SNORC: variants seen among roughly 807,000 people sequenced by gnomAD.
SNORC encodes secondary ossification center associated regulator of chondrocyte maturation.
SNORC carries 11 observed loss-of-function variants against 9.7 expected under a neutral mutation model. The observed-to-expected ratio is 1.14, with a 90% confidence interval of 0.72 to 1.88. SNORC has a LOEUF of 1.88. SNORC is among the 40% of genes most tolerant of loss of function. The pLI, the probability that SNORC is intolerant of heterozygous loss-of-function variation, is 0.00. For synonymous variants in SNORC, 108 were observed against 88.7 expected, an observed-to-expected ratio of 1.22 and a Z score of -1.22; for missense variants, 197 against 173.1, an observed-to-expected ratio of 1.14 and a Z score of -0.77.
intron 1 of SNORC, among the ~76,000 whole-genome samples, chr2:232,872,149 G>T (rs936960581): frequency 2.7e-5 from 4 of 149,208 alleles, no homozygotes; most frequent in African/African-American, 1.0e-4. Flanking sequence ...TGGGCTGGGA[G>T]CTCTGGACAG....
At chr2:232,875,821 G>A in intron 1 of SNORC, 119 bp from the exon 2 acceptor site, 1 of 1,060,820 alleles carries the variant, frequency 9.4e-7, no homozygotes, top group Non-Finnish European at 1.3e-6. Flanking sequence ...GGCTAGTGCA[G>A]CGCTGAGCCC....
At chr2:232,868,322 C>A (rs1449858593), upstream of SNORC, among the ~76,000 whole-genome samples, 2 of 152,100 alleles carry the variant, frequency 1.3e-5, no homozygotes, top group Non-Finnish European at 2.9e-5. Flanking sequence ...GTCTTGAACT[C>A]CTGACCTCAA....
At chr2:232,868,662 A>G (rs1690922293), upstream of SNORC, among the ~76,000 whole-genome samples, 1 of 152,138 alleles carries the variant, frequency 6.6e-6, no homozygotes, top group Non-Finnish European at 1.5e-5. Flanking sequence ...CCACCCCAAC[A>G]TTCCTTTCTT....
rs376485852 is a variant in SNORC, at chr2:232,876,326, C to T, written c.336C>T (p.Val112=). ...CCTGCGTGGTGCTGGCGCTCGTGGT[C>T]GTCGCGCTGAGAAAGTTTTCTGCCT... Residue 112 remains valine (V), a synonymous_variant, in exon 3 of 3, where the codon GTC becomes GTT. Coordinates refer to ENST00000331342, the Ensembl canonical transcript of SNORC. The surrounding 1 kb of genome is among the most constrained non-coding windows in gnomAD (Gnocchi z 6.8). 68 of 1,546,100 alleles carry T rather than the reference C, an allele frequency of 4.4e-5. 1 individual carries two copies. Among genetic ancestry groups the T allele is most frequent in the Middle Eastern group, 2.1e-4 (1 of 4,652 alleles).
intron 1 of SNORC, among the ~76,000 whole-genome samples, chr2:232,874,234 C>G (rs1360615510): frequency 6.6e-6 from 1 of 152,380 alleles, no homozygotes; most frequent in Non-Finnish European, 1.5e-5. Context: ...GCTGAATCCT[C>G]TATCTGAATG....
At chr2:232,871,105 TGGCC>T (rs1691010253) in intron 1 of SNORC, among the ~76,000 whole-genome samples, 2 of 152,174 alleles carry the variant, frequency 1.3e-5, no homozygotes, top group Non-Finnish European at 2.9e-5. Context: ...TTGCTCCTTT[TGGCC>T]GGGAGTTGGA....
upstream of SNORC, chr2:232,870,277 C>T: frequency 7.0e-7 from 1 of 1,437,362 alleles, no homozygotes; most frequent in South Asian, 1.2e-5. Flanking sequence ...TTTCTCACTG[C>T]CCTGAAGTTA....
chr2:232,876,713 C>G (rs1691266099), downstream of SNORC: 2 of 988,096 alleles, frequency 2.0e-6, no homozygotes, highest in Non-Finnish European at 2.4e-6. This position sits in a 1 kb window ranked among gnomAD's most constrained non-coding sequence, Gnocchi z 6.8. Flanking sequence ...GCCCGGTGCG[C>G]GTGCGCCGGG....
chr2:232,876,751 G>A (rs1284395614), downstream of SNORC: 19 of 985,626 alleles, frequency 1.9e-5, no homozygotes, highest in South Asian at 1.4e-4. The surrounding 1 kb of genome is among the most constrained non-coding windows in gnomAD (Gnocchi z 6.8). Flanking sequence ...GCGGGTGTGC[G>A]GCCAGCGGTC....
At chr2:232,868,947 T>G (rs1404247878), upstream of SNORC, 1 of 152,224 alleles carries the variant, frequency 6.6e-6, no homozygotes, top group Non-Finnish European at 1.5e-5. Flanking sequence ...AATTCGTATC[T>G]TACTAACTTG....
At position 232,876,022 on chromosome 2, in the gene SNORC, C is replaced by T. The variant is rs201237663; in HGVS notation, c.156C>T (p.Thr52=). Residue 52 remains threonine (T), a synonymous_variant, in exon 2 of 3, where the codon ACC becomes ACT. Transcript: ENST00000331342. The surrounding 1 kb of genome is among the most constrained non-coding windows in gnomAD (Gnocchi z 6.8). ...CGGGAGAAGGCCCCGTGGAGAGCAC[C>T]AGCCCCGGCCGGGAGCCCGTGGACA... The T allele has an allele frequency of 3.9e-4, 597 of 1,547,680 alleles. 2 individuals carry two copies. In the African/African-American group the frequency reaches 7.5e-3, roughly 20 times the overall value.
chr2:232,876,216 A>G lies in SNORC; in HGVS notation c.257-31A>G, dbSNP rs1172128437. On this transcript the variant is annotated intron_variant, in intron 2 of 2. Transcript: ENST00000331342. The surrounding 1 kb of genome is among the most constrained non-coding windows in gnomAD (Gnocchi z 6.8). Reference sequence around the variant, plus strand: ...GAGAAGGGCCGGCCAGGCGGGGGCTAGCAGGTGACATGGTCCTCCGTCCTC... The same window carrying G: ...GAGAAGGGCCGGCCAGGCGGGGGCTGGCAGGTGACATGGTCCTCCGTCCTC... The G allele has an allele frequency of 1.3e-6, 2 of 1,486,698 alleles. No homozygotes were observed. Among genetic ancestry groups the G allele is most frequent in the African/African-American group, 2.9e-5 (2 of 68,538 alleles). The allele number at this position is 1,486,698 out of a possible 1,614,324, so 92.1% of individuals were successfully genotyped here. A position where few individuals can be genotyped will look rare whatever the true frequency, so the allele number is the denominator to read the frequency against.
At chr2:232,875,767 G>A in intron 1 of SNORC, 173 bp from the exon 2 acceptor site, 1 of 694,012 alleles carries the variant, frequency 1.4e-6, no homozygotes, top group South Asian at 2.0e-5. Flanking sequence ...CCAATGGGAG[G>A]CAGCAACGCA....
upstream of SNORC, among the ~76,000 whole-genome samples, chr2:232,868,150 C>CTT (rs35855568): frequency 1.5e-3 from 192 of 130,024 alleles, 1 homozygote; most frequent in Non-Finnish European, 2.8e-3. Context: ...GTCATTTCAT[C>CTT]TTTTTTTTTT....
At chr2:232,877,111 C>T (rs908110353), downstream of SNORC, 8 of 985,970 alleles carry the variant, frequency 8.1e-6, no homozygotes, top group Non-Finnish European at 9.6e-6. Flanking sequence ...CCAAGCCCCC[C>T]TCTGCCCAGG....
chr2:232,872,675 C>T (rs1169756573), intron 1 of SNORC, among the ~76,000 whole-genome samples: 3 of 152,212 alleles, frequency 2.0e-5, no homozygotes, highest in East Asian at 3.9e-4. Flanking sequence ...CCGCCTGGCA[C>T]GCCGTGAGTT....
chr2:232,876,035 G>A lies in SNORC; in HGVS notation c.169G>A (p.Glu57Lys). The change falls in exon 2 of 3, where the codon GAG becomes AAG. Residue 57 changes from glutamate to lysine, a missense_variant. Transcript: ENST00000331342. This position sits in a 1 kb window ranked among gnomAD's most constrained non-coding sequence, Gnocchi z 6.8. Reference sequence around the variant, plus strand: ...CGTGGAGAGCACCAGCCCCGGCCGGGAGCCCGTGGACACCGGTCCCCCAGC... The same window carrying A: ...CGTGGAGAGCACCAGCCCCGGCCGGAAGCCCGTGGACACCGGTCCCCCAGC... 6.5e-7 allele frequency: 1 copy of A among 1,544,270 alleles called. No homozygotes were observed. The highest frequency in any genetic ancestry group is 8.7e-7 in the Non-Finnish European group (1 of 1,148,540).
Position 232,876,271 on chromosome 2 carries a change from C to T in SNORC, c.281C>T (p.Ala94Val). ...GGGTCGCTGGGGCCCGGCGCTATCG[C>T]GGCCATCGTGATCGCCGCCCTGCTG... The change falls in exon 3 of 3, where the codon GCG (alanine) becomes GTG (valine). Residue 94 changes from alanine to valine, a missense_variant. Coordinates refer to ENST00000331342, the Ensembl canonical transcript of SNORC. This position sits in a 1 kb window ranked among gnomAD's most constrained non-coding sequence, Gnocchi z 6.8. 6.6e-7 allele frequency: 1 copy of T among 1,522,776 alleles called. No individual in the cohort carries two copies. The highest frequency in any genetic ancestry group is 1.2e-5 in the South Asian group (1 of 82,184). 94.3% of individuals were successfully genotyped at this position (1,522,776 alleles called of 1,614,324 possible). A position where few individuals can be genotyped will look rare whatever the true frequency, so the allele number is the denominator to read the frequency against.
At chr2:232,874,650 C>T (rs1193779553) in intron 1 of SNORC, among the ~76,000 whole-genome samples, 2 of 152,246 alleles carry the variant, frequency 1.3e-5, no homozygotes, top group Admixed American at 1.3e-4. Flanking sequence ...CGAGCATCCG[C>T]CTCTCTGGGT....
Sources: gnomAD v4.1 joint callset for allele counts (sites outside exome capture counted in the v4.1 genomes callset) on GRCh38, gnomAD v4.1.1 for gene constraint, Gnocchi (gnomAD v3.1) non-coding constraint, MANE v1.5 for transcripts, NCBI Gene and HGNC (gene_info 2026-07-23, HGNC 2026-07-21) for gene names.